The following RBFOX1 variants were observed in gnomAD, a reference collection of about 807,000 sequenced individuals.
The protein encoded by RBFOX1 is RNA binding fox-1 homolog 1, also known as RNA binding protein fox-1 homolog 1.
In RBFOX1, 8 loss-of-function variants were observed where a neutral mutation model predicts 57.7. The observed-to-expected ratio is 0.14, with a 90% CI of 0.08 to 0.25. RBFOX1 has a LOEUF of 0.25. Ranked by LOEUF, RBFOX1 falls within the 10% of genes least tolerant of loss-of-function variation. The probability of loss-of-function intolerance (pLI) is 1.00; values close to 1 mark genes in which losing one functional copy is unlikely to be tolerated. For missense variants in RBFOX1, 611 were observed against 548.5 expected (o/e 1.11, Z -1.14); for synonymous variants, 326 against 222.4 (o/e 1.47, Z -4.15).
chr16:5,301,635 A>AAAAG (rs2063809152), intron 1 of RBFOX1, among the ~76,000 whole-genome samples: 1 of 141,950 alleles, frequency 7.0e-6, no homozygotes, highest in African/African-American at 3.1e-5. Context: ...AAAAAAAAAA[A>AAAAG]AAACACACAA....
At chr16:5,244,713 G>A (rs1225820404) in intron 1 of RBFOX1, among the ~76,000 whole-genome samples, 10 of 152,360 alleles carry the variant, frequency 6.6e-5, no homozygotes, top group East Asian at 1.9e-4. Flanking sequence ...AATGCAGTGC[G>A]TAAGTGGGAA....
At chr16:6,774,659 G>A (rs1168689973) in intron 3 of RBFOX1, among the ~76,000 whole-genome samples, 4 of 152,088 alleles carry the variant, frequency 2.6e-5, no homozygotes, top group African/African-American at 9.7e-5. Context: ...GGAATATATA[G>A]AGTATTCTTG....
intron 3 of RBFOX1, among the ~76,000 whole-genome samples, chr16:6,737,216 A>T (rs188642114): frequency 6.6e-6 from 1 of 152,294 alleles, no homozygotes; most frequent in Non-Finnish European, 1.5e-5. Context: ...AAATAACTCA[A>T]TGTAATTTAA....
chr16:5,520,878 T>G (rs565259856), intron 2 of RBFOX1, among the ~76,000 whole-genome samples: 88 of 152,324 alleles, frequency 5.8e-4, no homozygotes, highest in African/African-American at 2.0e-3. Context: ...TTGGGTAGAA[T>G]GGGAATTGCC....
At chr16:6,887,292 G>T (rs1019420699) in intron 3 of RBFOX1, among the ~76,000 whole-genome samples, 2 of 152,134 alleles carry the variant, frequency 1.3e-5, no homozygotes, top group African/African-American at 4.8e-5. Context: ...TCAAAGTGTG[G>T]TGGGGTTATA....
At chr16:7,623,825 C>T (rs2059677274) in intron 10 of RBFOX1, among the ~76,000 whole-genome samples, 2 of 152,158 alleles carry the variant, frequency 1.3e-5, no homozygotes, top group South Asian at 4.1e-4. Flanking sequence ...CTGTCTTCAC[C>T]TGGGTTTCCC....
At chr16:7,349,313 A>G (rs897205061) in intron 4 of RBFOX1, among the ~76,000 whole-genome samples, 2 of 152,108 alleles carry the variant, frequency 1.3e-5, no homozygotes, top group African/African-American at 4.8e-5. Context: ...TCTCAAACCA[A>G]ACGCATGTCT....
chr16:6,789,349 A>C (rs1029521269), intron 3 of RBFOX1, among the ~76,000 whole-genome samples: 1 of 152,130 alleles, frequency 6.6e-6, no homozygotes, highest in Non-Finnish European at 1.5e-5. Context: ...TTCCGCTTTG[A>C]GATGTATTCC....
At chr16:6,916,261 G>A (rs961019936) in intron 3 of RBFOX1, among the ~76,000 whole-genome samples, 1 of 152,168 alleles carries the variant, frequency 6.6e-6, no homozygotes, top group East Asian at 1.9e-4. Context: ...TAGCATCCAA[G>A]ATGGAGTCAC....
intron 4 of RBFOX1, among the ~76,000 whole-genome samples, chr16:7,154,308 G>A (rs142667231): frequency 1.8e-3 from 277 of 152,308 alleles, no homozygotes; most frequent in African/African-American, 6.3e-3. Context: ...ACAAGTGAAA[G>A]ATACAGAGGA....
chr16:5,858,632 T>C (rs576322654), intron 3 of RBFOX1, among the ~76,000 whole-genome samples: 1 of 152,352 alleles, frequency 6.6e-6, no homozygotes, highest in South Asian at 2.1e-4. Flanking sequence ...AGCAAGTGCA[T>C]GTAAATATTT....
At chr16:5,636,884 A>T (rs2048700467) in intron 3 of RBFOX1, among the ~76,000 whole-genome samples, 1 of 152,126 alleles carries the variant, frequency 6.6e-6, no homozygotes, top group African/African-American at 2.4e-5. Context: ...ATTTTTGCAA[A>T]TCAGAGCTGA....
chr16:6,662,733 A>T (rs2098709262), intron 3 of RBFOX1, among the ~76,000 whole-genome samples: 1 of 152,210 alleles, frequency 6.6e-6, no homozygotes. Context: ...AGCCCCTGAC[A>T]GGCAATTCTG....
intron 4 of RBFOX1, among the ~76,000 whole-genome samples, chr16:7,355,487 A>G (rs999820705): frequency 2.0e-5 from 3 of 151,922 alleles, no homozygotes; most frequent in Non-Finnish European, 2.9e-5. Flanking sequence ...TACTTTTCCT[A>G]TGTAATTACA....
At chr16:6,368,886 G>T (rs755311724) in intron 2 of RBFOX1, among the ~76,000 whole-genome samples, 1 of 152,074 alleles carries the variant, frequency 6.6e-6, no homozygotes, top group Non-Finnish European at 1.5e-5. Flanking sequence ...GATGGATTGT[G>T]GTAAAGTAAC....
chr16:7,538,486 G>A (rs3785257), intron 5 of RBFOX1, among the ~76,000 whole-genome samples: 103,803 of 152,010 alleles, frequency 0.68, 37,118 homozygotes, highest in Non-Finnish European at 0.81. Flanking sequence ...TCATACATTC[G>A]AAATTATTTG....
intron 2 of RBFOX1, among the ~76,000 whole-genome samples, chr16:6,345,199 A>G (rs1371441719): frequency 3.3e-5 from 5 of 152,152 alleles, no homozygotes; most frequent in African/African-American, 9.7e-5. Context: ...CGCTGCGTCC[A>G]GGAGGGTTCT....
At chr16:6,838,709 G>A (rs1440402719) in intron 3 of RBFOX1, among the ~76,000 whole-genome samples, 2 of 152,052 alleles carry the variant, frequency 1.3e-5, no homozygotes, top group Non-Finnish European at 2.9e-5. Context: ...CAGTCTGGGG[G>A]CTTGCCCGTC....
intron 3 of RBFOX1, among the ~76,000 whole-genome samples, chr16:6,919,876 A>T (rs566327889): frequency 1.3e-5 from 2 of 149,164 alleles, no homozygotes; most frequent in South Asian, 2.1e-4. Flanking sequence ...ATTTTGGTGC[A>T]CCCATCACCT....
Sources: allele counts gnomAD v4.1 joint callset (sites outside exome capture counted in the v4.1 genomes callset), GRCh38; gene constraint gnomAD v4.1.1; transcripts MANE v1.5; gene names NCBI Gene and HGNC (gene_info 2026-07-23, HGNC 2026-07-21).